The following AKR1C3 variants were observed in gnomAD, a reference collection of about 807,000 sequenced individuals.
AKR1C3 encodes the protein aldo-keto reductase family 1 member C3.
In AKR1C3, 48 loss-of-function variants were observed where a neutral mutation model predicts 43.6. The observed-to-expected ratio is 1.10, with a 90% CI of 0.87 to 1.40. The LOEUF (loss-of-function observed/expected upper bound fraction) is 1.40. Among genes scored for constraint, AKR1C3 ranks in the 40% most tolerant of loss-of-function variants. The pLI is 0.00. For synonymous variants in AKR1C3, 162 were observed against 139.6 expected (o/e 1.16, Z -1.13); for missense variants, 482 against 391.2 (o/e 1.23, Z -1.96).
At chr10:5,103,905 T>C (rs1430441949) in intron 7 of AKR1C3, among the ~76,000 whole-genome samples, 1 of 152,110 alleles carries the variant, frequency 6.6e-6, no homozygotes, top group African/African-American at 2.4e-5. Context: ...CTATGATGGA[T>C]TAATATATGA....
At chr10:5,102,315 G>A in intron 6 of AKR1C3, 105 bp downstream of exon 6, 1 of 1,585,102 alleles carries the variant, frequency 6.3e-7, no homozygotes, top group South Asian at 1.1e-5. Flanking sequence ...GGCTCATGGA[G>A]AGGAAAGAGA....
At chr10:5,098,037 C>G (rs1554785440) in intron 3 of AKR1C3, 1 of 999,466 alleles carries the variant, frequency 1.0e-6, no homozygotes, top group Non-Finnish European at 1.2e-6. Context: ...ATTCTGCTGC[C>G]TCTTCTTTCA....
chr10:5,070,491 GT>G (rs1380307629), intron 1 of AKR1C3, among the ~76,000 whole-genome samples: 2 of 152,210 alleles, frequency 1.3e-5, no homozygotes, highest in Admixed American at 6.5e-5. Flanking sequence ...ATTTTCACTG[GT>G]TGCCTGGTGT....
rs1414674898 is a variant in AKR1C3 at position 5,107,595 on chromosome 10, T to C, written c.*92T>C. 4.0e-6 allele frequency: 4 copies of C among 989,742 alleles called. No individual in the cohort carries two copies. Among genetic ancestry groups the C allele is most frequent in the South Asian group, 1.4e-5 (1 of 69,446 alleles). 61.3% of individuals were successfully genotyped at this position (989,742 alleles called of 1,614,324 possible). The stretch of plus-strand genomic sequence containing the variant: ...TATGCCGGTGACTGGACATATCACC[T>C]CTACTTAAATCCGTCCTGTTTAGCG... On this transcript the variant is annotated 3_prime_UTR_variant, in exon 9 of 9. Transcript: ENST00000380554.
intron 1 of AKR1C3, among the ~76,000 whole-genome samples, chr10:5,052,066 C>T (rs997054638): frequency 2.0e-4 from 30 of 152,250 alleles, no homozygotes; most frequent in Admixed American, 1.4e-3. Context: ...TTAAAGGCAG[C>T]GTGTCCAGAG....
At chr10:5,056,933 CAGG>C (rs1554779662) in intron 1 of AKR1C3, among the ~76,000 whole-genome samples, 1 of 152,190 alleles carries the variant, frequency 6.6e-6, no homozygotes, top group Admixed American at 6.5e-5. Context: ...TCATCCAGGA[CAGG>C]AGATTAACAC....
intron 1 of AKR1C3, among the ~76,000 whole-genome samples, chr10:5,082,721 G>C (rs918527164): frequency 2.6e-5 from 4 of 152,040 alleles, no homozygotes; most frequent in African/African-American, 9.7e-5. Context: ...GAATATTTGT[G>C]ACCATGTTTT....
chr10:5,068,496 T>C (rs782779723), intron 1 of AKR1C3, among the ~76,000 whole-genome samples: 2 of 126,406 alleles, frequency 1.6e-5, no homozygotes, highest in African/African-American at 6.3e-5. Context: ...AAAAACCCTT[T>C]ATAACCTTTT....
chr10:5,076,498 G>A (rs1270909075), intron 1 of AKR1C3, among the ~76,000 whole-genome samples: 1 of 152,082 alleles, frequency 6.6e-6, no homozygotes, highest in Non-Finnish European at 1.5e-5. Context: ...ATATTAGCAG[G>A]AAATGGACTA....
At chr10:5,085,366 G>A (rs1554782960) in intron 1 of AKR1C3, among the ~76,000 whole-genome samples, 1 of 151,968 alleles carries the variant, frequency 6.6e-6, no homozygotes, top group Non-Finnish European at 1.5e-5. Context: ...CTGTTTATAT[G>A]CTGGATTACA....
intron 1 of AKR1C3, among the ~76,000 whole-genome samples, chr10:5,086,560 G>A (rs1449025110): frequency 1.3e-5 from 2 of 151,812 alleles, no homozygotes; most frequent in East Asian, 3.8e-4. Flanking sequence ...CTATTGATTT[G>A]GGGTGGAGAG....
intron 1 of AKR1C3, 29 bp from the exon 2 acceptor site, chr10:5,096,381 C>G: frequency 6.2e-7 from 1 of 1,606,890 alleles, no homozygotes; most frequent in Non-Finnish European, 8.5e-7. Flanking sequence ...ACAGTGATCA[C>G]CAGATACTAC....
At chr10:5,067,776 T>A (rs565663369) in intron 1 of AKR1C3, among the ~76,000 whole-genome samples, 4 of 152,182 alleles carry the variant, frequency 2.6e-5, no homozygotes, top group African/African-American at 9.7e-5. Context: ...TCCACACCAA[T>A]GTACTCAAAT....
At chr10:5,071,519 T>C (rs4881394) in intron 1 of AKR1C3, among the ~76,000 whole-genome samples, 40,566 of 152,086 alleles carry the variant, frequency 0.27, 5,469 homozygotes, top group East Asian at 0.41. Flanking sequence ...ACGGATTCTC[T>C]TCTTGAACAG....
intron 1 of AKR1C3, among the ~76,000 whole-genome samples, chr10:5,062,827 G>A (rs1316240781): frequency 7.0e-6 from 1 of 142,646 alleles, no homozygotes; most frequent in East Asian, 2.0e-4. Flanking sequence ...TCATTACTTA[G>A]CCCTCTATTT....
intron 1 of AKR1C3, among the ~76,000 whole-genome samples, chr10:5,062,032 C>G (rs1554780304): frequency 6.6e-6 from 1 of 152,208 alleles, no homozygotes; most frequent in Admixed American, 6.5e-5. Context: ...ACAACTCTTA[C>G]AAAGACATGT....
chr10:5,074,950 T>G (rs1208149105), intron 1 of AKR1C3, among the ~76,000 whole-genome samples: 1 of 152,220 alleles, frequency 6.6e-6, no homozygotes, highest in Non-Finnish European at 1.5e-5. Flanking sequence ...ATGTGAGAAC[T>G]GTGTGCTTCT....
intron 1 of AKR1C3, among the ~76,000 whole-genome samples, chr10:5,075,628 A>C (rs1838700454): frequency 6.6e-6 from 1 of 152,128 alleles, no homozygotes; most frequent in Admixed American, 6.5e-5. Flanking sequence ...TAATCCCAGC[A>C]CTTTGGGAGG....
intron 1 of AKR1C3, among the ~76,000 whole-genome samples, chr10:5,063,759 T>C (rs1316538287): frequency 3.0e-4 from 1 of 3,324 alleles, no homozygotes; most frequent in Non-Finnish European, 1.3e-3. Flanking sequence ...GTAGTCTCTG[T>C]CTCAGCAAAA....
Sources: gnomAD v4.1 joint callset for allele counts (sites outside exome capture counted in the v4.1 genomes callset) on GRCh38, gnomAD v4.1.1 for gene constraint, MANE v1.5 for transcripts, NCBI Gene and HGNC (gene_info 2026-07-23, HGNC 2026-07-21) for gene names.